Variants in FAM110B observed in about 807,000 individuals in gnomAD.
FAM110B encodes the protein protein FAM110B.
In FAM110B, 6 loss-of-function variants were observed where a neutral mutation model predicts 20.4. The ratio of observed to expected loss-of-function variants is 0.29; its 90% confidence interval spans 0.16 to 0.58. FAM110B has a LOEUF of 0.58. Ranked by LOEUF, FAM110B falls within the 20% of genes least tolerant of loss-of-function variation. The pLI is 0.90. For missense variants in FAM110B, 434 were observed against 498.2 expected, an observed-to-expected ratio of 0.87 and a Z score of 1.23; for synonymous variants, 226 against 214.1, an observed-to-expected ratio of 1.06 and a Z score of -0.49.
intron 2 of FAM110B, among the ~76,000 whole-genome samples, chr8:58,059,568 A>G (rs781640034): frequency 2.0e-5 from 3 of 150,200 alleles, no homozygotes; most frequent in Non-Finnish European, 4.4e-5. Flanking sequence ...TGTCTGTTCA[A>G]GTCTTTTGCC....
chr8:58,077,675 G>A (rs1806072076), intron 3 of FAM110B, among the ~76,000 whole-genome samples: 1 of 152,184 alleles, frequency 6.6e-6, no homozygotes, highest in Non-Finnish European at 1.5e-5. Flanking sequence ...ACCTGATATA[G>A]CCTAGGTACA....
intron 3 of FAM110B, among the ~76,000 whole-genome samples, chr8:58,138,440 AC>A (rs1161797625): frequency 2.0e-5 from 3 of 152,178 alleles, no homozygotes; most frequent in African/African-American, 7.2e-5. Flanking sequence ...AGAGTCCATT[AC>A]AGACTCTGCC....
At chr8:58,025,588 T>C (rs984026652) in intron 1 of FAM110B, among the ~76,000 whole-genome samples, 13 of 152,062 alleles carry the variant, frequency 8.5e-5, no homozygotes, top group Admixed American at 5.9e-4. Flanking sequence ...CACAACTGGA[T>C]ATGAGAAAGA....
intron 1 of FAM110B, among the ~76,000 whole-genome samples, chr8:58,005,324 G>A (rs1041209131): frequency 1.3e-5 from 2 of 152,060 alleles, no homozygotes; most frequent in African/African-American, 4.8e-5. Flanking sequence ...TTGTGGTTAC[G>A]GTTTGTAGTG....
chr8:58,129,504 G>A (rs904954003), intron 3 of FAM110B, among the ~76,000 whole-genome samples: 8 of 152,240 alleles, frequency 5.3e-5, no homozygotes, highest in Non-Finnish European at 7.3e-5. Context: ...CCTGTTGGTA[G>A]TATTTTAGCC....
chr8:58,062,315 T>C (rs1369561858), intron 2 of FAM110B, among the ~76,000 whole-genome samples: 1 of 152,182 alleles, frequency 6.6e-6, no homozygotes, highest in Non-Finnish European at 1.5e-5. Context: ...TTGGGGGTGA[T>C]CGTTTTCAAC....
At chr8:58,006,919 A>ATTTTTTT (rs137960762) in intron 1 of FAM110B, among the ~76,000 whole-genome samples, 1 of 102,816 alleles carries the variant, frequency 9.7e-6, no homozygotes, top group Non-Finnish European at 1.9e-5. Context: ...ATATATATAT[A>ATTTTTTT]TATATTTTTC....
At chr8:57,995,789 C>A (rs909797071) in intron 1 of FAM110B, among the ~76,000 whole-genome samples, 4 of 152,308 alleles carry the variant, frequency 2.6e-5, no homozygotes, top group Non-Finnish European at 4.4e-5. Context: ...TTCTTTCCTG[C>A]CTAAAAAATA....
intron 3 of FAM110B, among the ~76,000 whole-genome samples, chr8:58,097,386 G>C (rs953715206): frequency 6.6e-6 from 1 of 152,140 alleles, no homozygotes. Context: ...GTGTTTTTCA[G>C]CTCCATCAGG....
intron 2 of FAM110B, among the ~76,000 whole-genome samples, chr8:58,056,125 A>G (rs2150583024): frequency 6.6e-6 from 1 of 152,350 alleles, no homozygotes; most frequent in Non-Finnish European, 1.5e-5. Flanking sequence ...TGGTTTCACT[A>G]CAGTGGTGGA....
rs1334227601 is a variant in FAM110B at position 58,079,905 on chromosome 8, T to C, written c.-325+4282T>C. Among the ~76,000 whole-genome samples, 3 of 152,214 alleles carry C rather than the reference T, an allele frequency of 2.0e-5. No homozygotes were observed. In the East Asian group the frequency reaches 5.8e-4, roughly 29 times the overall value. Reference sequence around the variant, plus strand: ...AATAGAAATTGTGTAATTGTAAATGTAGTCACTGTTTTCTTACAAAGATCA... The same window carrying C: ...AATAGAAATTGTGTAATTGTAAATGCAGTCACTGTTTTCTTACAAAGATCA... On this transcript the variant is annotated intron_variant, in intron 3 of 3. Transcript: ENST00000519262.
chr8:58,125,806 CTG>C (rs1807486734), intron 3 of FAM110B, among the ~76,000 whole-genome samples: 2 of 152,132 alleles, frequency 1.3e-5, no homozygotes, highest in African/African-American at 4.8e-5. Context: ...TTATGGATCT[CTG>C]TCTCTTCCCC....
At chr8:58,074,458 C>T (rs1193944495) in intron 2 of FAM110B, among the ~76,000 whole-genome samples, 2 of 152,146 alleles carry the variant, frequency 1.3e-5, no homozygotes, top group African/African-American at 4.8e-5. Flanking sequence ...CCAGAGAGCC[C>T]ATGGCTTGTT....
chr8:58,126,182 A>G (rs1217750059), intron 3 of FAM110B, among the ~76,000 whole-genome samples: 1 of 152,148 alleles, frequency 6.6e-6, no homozygotes, highest in Non-Finnish European at 1.5e-5. Flanking sequence ...GCTTTTTTTC[A>G]TGCAGCTGTT....
intron 3 of FAM110B, among the ~76,000 whole-genome samples, chr8:58,112,690 C>G (rs941763309): frequency 3.9e-5 from 6 of 152,190 alleles, no homozygotes; most frequent in Non-Finnish European, 5.9e-5. Flanking sequence ...AGTGCTGGTT[C>G]TCATTAATAG....
At position 58,090,169 on chromosome 8, in the gene FAM110B, AG is replaced by A. The variant is rs879818442; in HGVS notation, c.-325+14552del. Among the ~76,000 whole-genome samples the A allele has an allele frequency of 4.6e-5, 7 of 152,180 alleles. No homozygotes were observed. In the South Asian group the frequency reaches 6.2e-4, roughly 14 times the overall value. The stretch of plus-strand genomic sequence containing the variant: ...ATATATTTTCTCTTTTTTGGGGGGC[AG>A]GGGGGCGGAGACAAAGTCTCGCTGT... On this transcript the variant is annotated intron_variant, in intron 3 of 3. Transcript: ENST00000519262.
At chr8:58,076,813 T>C (rs1806048511) in intron 3 of FAM110B, among the ~76,000 whole-genome samples, 1 of 152,214 alleles carries the variant, frequency 6.6e-6, no homozygotes, top group Non-Finnish European at 1.5e-5. Flanking sequence ...AGTGGCCCCA[T>C]GCTTGGATTT....
At chr8:58,102,090 A>G (rs1245565534) in intron 3 of FAM110B, among the ~76,000 whole-genome samples, 2 of 152,254 alleles carry the variant, frequency 1.3e-5, no homozygotes, top group African/African-American at 4.8e-5. Flanking sequence ...TTCATTCAAC[A>G]ATGATAACTT....
At chr8:58,006,616 T>C (rs1449404738) in intron 1 of FAM110B, among the ~76,000 whole-genome samples, 2 of 151,882 alleles carry the variant, frequency 1.3e-5, no homozygotes, top group Non-Finnish European at 2.9e-5. Flanking sequence ...TTTTTTTTTT[T>C]TTTCAATGCA....
Sources: gnomAD v4.1 joint callset for allele counts (sites outside exome capture counted in the v4.1 genomes callset) on GRCh38, gnomAD v4.1.1 for gene constraint, MANE v1.5 for transcripts, NCBI Gene and HGNC (gene_info 2026-07-23, HGNC 2026-07-21) for gene names.